Variants in HECW1 observed in about 807,000 individuals in gnomAD.
HECW1 encodes E3 ubiquitin-protein ligase HECW1.
Under a neutral mutation model 182.3 loss-of-function variants are expected in HECW1, and 61 were observed. The observed-to-expected ratio is 0.33, with a 90% confidence interval of 0.27 to 0.41. The LOEUF (loss-of-function observed/expected upper bound fraction) is 0.41, where lower values mean the gene tolerates loss of function less well. Ranked by LOEUF, HECW1 falls within the 10% of genes least tolerant of loss-of-function variation. The probability of loss-of-function intolerance (pLI) is 1.00; values close to 1 mark genes in which losing one functional copy is unlikely to be tolerated. For missense variants in HECW1, 1,739 were observed against 2,108.9 expected (o/e 0.82, Z 3.44); for synonymous variants, 859 against 832.6 (o/e 1.03, Z -0.55).
At chr7:43,393,381 T>A (rs766257000) in intron 6 of HECW1, among the ~76,000 whole-genome samples, 1 of 152,160 alleles carries the variant, frequency 6.6e-6, no homozygotes, top group Admixed American at 6.5e-5. Flanking sequence ...CTGTAAAGAG[T>A]CTGTCTGTGA....
At chr7:43,479,492 G>A in intron 16 of HECW1, 118 bp from the exon 17 acceptor site, 3 of 1,200,148 alleles carry the variant, frequency 2.5e-6, no homozygotes, top group Non-Finnish European at 2.4e-6. Flanking sequence ...TAGGGGTAGG[G>A]GAGGCTGGGC....
intron 3 of HECW1, among the ~76,000 whole-genome samples, chr7:43,259,124 A>G (rs1273993698): frequency 8.5e-5 from 13 of 152,208 alleles, no homozygotes; most frequent in Non-Finnish European, 1.5e-5. Flanking sequence ...GCAGCAGCTC[A>G]ACCTGTAATT....
intron 2 of HECW1, among the ~76,000 whole-genome samples, chr7:43,232,154 A>T (rs1455505137): frequency 6.6e-6 from 1 of 152,220 alleles, no homozygotes; most frequent in Non-Finnish European, 1.5e-5. Context: ...ATACAAAAAG[A>T]AAAAGTAGAG....
At chr7:43,118,329 T>G (rs1268062604) in intron 2 of HECW1, 1 of 152,708 alleles carries the variant, frequency 6.5e-6, no homozygotes, top group African/African-American at 2.4e-5. Flanking sequence ...GGATGTTCCC[T>G]GCTTTTGCTT....
chr7:43,369,882 A>G (rs1054287552), intron 6 of HECW1, among the ~76,000 whole-genome samples: 6 of 152,216 alleles, frequency 3.9e-5, no homozygotes, highest in Non-Finnish European at 7.3e-5. Flanking sequence ...AGTCTTTCAA[A>G]TGATGGAGGG....
chr7:43,169,945 A>C (rs756443415), intron 2 of HECW1, among the ~76,000 whole-genome samples: 1 of 152,016 alleles, frequency 6.6e-6, no homozygotes, highest in African/African-American at 2.4e-5. Context: ...ACATGTATAG[A>C]GGGTAAGTGA....
Position 43,562,149 on chromosome 7 carries a change from T to G in HECW1, c.*223T>G, listed in dbSNP as rs1477738799. 4 of 487,436 alleles carry G rather than the reference T, an allele frequency of 8.2e-6. No individual in the cohort carries two copies. The Admixed American group carries it at 1.5e-4, about 18-fold the overall frequency. 30.2% of individuals were successfully genotyped at this position (487,436 alleles called of 1,614,324 possible). On this transcript the variant is annotated 3_prime_UTR_variant, in exon 30 of 30. Coordinates refer to ENST00000395891, the MANE Select transcript of HECW1 (RefSeq NM_015052.5). ...CTCTGTTTTCAATGAACTGCTAGCC[T>G]GTATGCAATATTAAAAAACAGCTGT...
intron 5 of HECW1, among the ~76,000 whole-genome samples, chr7:43,360,370 T>C (rs1202566837): frequency 6.6e-6 from 1 of 152,140 alleles, no homozygotes; most frequent in Non-Finnish European, 1.5e-5. Flanking sequence ...GTGCTACCAC[T>C]GCCAGCTACA....
intron 2 of HECW1, among the ~76,000 whole-genome samples, chr7:43,225,070 G>T (rs1797303523): frequency 6.6e-6 from 1 of 152,202 alleles, no homozygotes. Flanking sequence ...TAGCAAAGGT[G>T]TGGGGGAAGA....
At position 43,120,465 on chromosome 7, in the gene HECW1, G is replaced by C. The variant is rs114723285; in HGVS notation, c.-32+6074G>C. Among the ~76,000 whole-genome samples the C allele has an allele frequency of 6.3e-3, 962 of 152,146 alleles. 9 individuals are homozygous for C. The highest frequency in any genetic ancestry group is 0.022 in the African/African-American group (922 of 41,482). On this transcript the variant is annotated intron_variant, in intron 2 of 29. Coordinates refer to ENST00000395891, the MANE Select transcript of HECW1 (RefSeq NM_015052.5). ...CCCTTCTAACTTGTAATCTCCATTA[G>C]AGCAGGAACCTATTTGTTTACCCAG...
chr7:43,220,318 C>T (rs978335633), intron 2 of HECW1, among the ~76,000 whole-genome samples: 2 of 152,146 alleles, frequency 1.3e-5, no homozygotes, highest in African/African-American at 4.8e-5. Flanking sequence ...GATGCATTAC[C>T]CTCCCAGCAC....
intron 2 of HECW1, among the ~76,000 whole-genome samples, chr7:43,140,960 A>G (rs1788090559): frequency 6.6e-6 from 1 of 152,200 alleles, no homozygotes; most frequent in South Asian, 2.1e-4. Flanking sequence ...CATTGGTCCT[A>G]TTGGATCAGA....
chr7:43,341,053 A>G (rs1403911804), intron 5 of HECW1, among the ~76,000 whole-genome samples: 3 of 151,646 alleles, frequency 2.0e-5, no homozygotes, highest in African/African-American at 7.3e-5. Context: ...GCAAACTATC[A>G]CAAGGACAGA....
rs142322051 is a variant in HECW1 at position 43,342,789 on chromosome 7, G to T, written c.461-18097G>T. ...GCCTGTAATCCTGGCACTTTGGGAG[G>T]CGCAGGCAGGCAGATCATGAGGTCA... On this transcript the variant is annotated intron_variant, in intron 5 of 29. Transcript: ENST00000395891. Among the ~76,000 whole-genome samples the T allele has an allele frequency of 1.9e-3, 289 of 151,876 alleles. 12 individuals carry two copies. Among genetic ancestry groups the T allele is most frequent in the African/African-American group, 6.6e-3 (273 of 41,158 alleles).
At chr7:43,401,615 G>T (rs2075418290) in intron 7 of HECW1, among the ~76,000 whole-genome samples, 1 of 135,684 alleles carries the variant, frequency 7.4e-6, no homozygotes, top group Admixed American at 7.9e-5. Context: ...GTAGACATCT[G>T]GGCTGAAAAT....
At chr7:43,324,100 A>T (rs1810483239) in intron 5 of HECW1, among the ~76,000 whole-genome samples, 1 of 152,196 alleles carries the variant, frequency 6.6e-6, no homozygotes, top group Admixed American at 6.6e-5. Context: ...CACTTTAGAT[A>T]ATGACATTGT....
At chr7:43,169,690 C>CTTTTTTTTTTTTT (rs374141328) in intron 2 of HECW1, among the ~76,000 whole-genome samples, 15 of 113,446 alleles carry the variant, frequency 1.3e-4, no homozygotes, top group South Asian at 2.8e-4. Context: ...TTTTTCTTTT[C>CTTTTTTTTTTTTT]TTTTTTTTTT....
chr7:43,478,044 G>A (rs2078283873), intron 16 of HECW1, among the ~76,000 whole-genome samples: 1 of 152,144 alleles, frequency 6.6e-6, no homozygotes, highest in Non-Finnish European at 1.5e-5. Flanking sequence ...TTTTATGAGA[G>A]ATAATTTTAA....
At chr7:43,201,927 C>A (rs1018106944) in intron 2 of HECW1, among the ~76,000 whole-genome samples, 1 of 152,196 alleles carries the variant, frequency 6.6e-6, no homozygotes, top group Non-Finnish European at 1.5e-5. Context: ...TGACTTACGA[C>A]TCTGGGGTAG....
Sources: gnomAD v4.1 joint callset for allele counts (sites outside exome capture counted in the v4.1 genomes callset) on GRCh38, gnomAD v4.1.1 for gene constraint, MANE v1.5 for transcripts, NCBI Gene and HGNC (gene_info 2026-07-23, HGNC 2026-07-21) for gene names.